Variants in IGSF10 observed in about 807,000 individuals in gnomAD.
IGSF10 encodes calvaria mechanical force protein 608.
IGSF10 carries 126 observed loss-of-function variants against 128.2 expected under a neutral mutation model. The ratio of observed to expected loss-of-function variants is 0.98; its 90% CI spans 0.85 to 1.14. The LOEUF (loss-of-function observed/expected upper bound fraction) is 1.14, where lower values mean the gene tolerates loss of function less well. Ranked by LOEUF, IGSF10 falls within the 50% of genes most tolerant of loss-of-function variation. The pLI is 0.00. For synonymous variants in IGSF10, 1,185 were observed against 1,146.2 expected, an observed-to-expected ratio of 1.03 and a Z score of -0.68; for missense variants, 3,295 against 3,149.8, an observed-to-expected ratio of 1.05 and a Z score of -1.10.
chr3:151,513,805 C>A, the IGSF10 span, among the ~76,000 whole-genome samples: 1 of 152,176 alleles, frequency 6.6e-6, no homozygotes, highest in Non-Finnish European at 1.5e-5. Context: ...ACAAAAATCA[C>A]AAGCATTCCT....
the IGSF10 span, among the ~76,000 whole-genome samples, chr3:151,469,062 T>G: frequency 5.9e-5 from 9 of 152,240 alleles, no homozygotes; most frequent in African/African-American, 1.9e-4. Flanking sequence ...GCAAAGGATA[T>G]GATTTCATTT....
At chr3:151,593,425 A>G in the IGSF10 span, among the ~76,000 whole-genome samples, 20 of 152,152 alleles carry the variant, frequency 1.3e-4, 1 homozygote, top group Admixed American at 1.1e-3. Context: ...AATTAACCTC[A>G]TGATGGCTTT....
In IGSF10 at chr3:151,447,641, G is replaced by A. The variant is rs1721276417; in HGVS notation, c.2340C>T (p.Pro780=). The A allele has an allele frequency of 1.2e-6, 2 of 1,614,142 alleles. No homozygotes were observed. The highest frequency in any genetic ancestry group is 8.5e-7 in the Non-Finnish European group (1 of 1,180,026). Residue 780 remains proline (P), a synonymous_variant, in exon 6 of 8, where the codon CCC becomes CCT. Transcript: ENST00000282466. ...TGTTTGGGAGTTGGGTGACCACTGG[G>A]GGTGGGCTCACTGTGGTATTTTCTC... is the stretch of plus-strand genomic sequence containing the variant. ...DKRENTTVSP[P]PVVTQLPNIP...
chr3:151,601,508 A>G, the IGSF10 span, among the ~76,000 whole-genome samples: 2 of 152,212 alleles, frequency 1.3e-5, no homozygotes, highest in Non-Finnish European at 2.9e-5. Flanking sequence ...CTTAACAAAT[A>G]AGAAACTCTT....
intron 4 of IGSF10, among the ~76,000 whole-genome samples, 189 bp downstream of exon 4, chr3:151,456,837 A>G (rs1360205235): frequency 6.6e-6 from 1 of 152,118 alleles, no homozygotes; most frequent in African/African-American, 2.4e-5. Context: ...CTTGCCTCAG[A>G]GTTCTTATTA....
rs371153588 is a variant in IGSF10, at chr3:151,458,528, C to T, written c.182G>A (p.Arg61His). 4.0e-5 allele frequency: 64 copies of T among 1,612,306 alleles called. No homozygotes were observed. The highest frequency in any genetic ancestry group is 2.0e-4 in the African/African-American group (15 of 74,854). ...AGGTCTCACACACCCTAAATTGATG[C>T]GTTCCACATTGGGCGGGATGCTGTC... ...IPDSIPPNVE[R>H]INLGYNSLVR... The change falls in exon 3 of 8, where the codon CGC becomes CAC. Residue 61 changes from arginine to histidine, a missense_variant. Coordinates refer to ENST00000282466, the MANE Select transcript of IGSF10 (RefSeq NM_178822.5).
the IGSF10 span, among the ~76,000 whole-genome samples, chr3:151,617,691 C>T: frequency 1.3e-5 from 2 of 151,874 alleles, no homozygotes; most frequent in Non-Finnish European, 2.9e-5. Context: ...TTTTGGGGGG[C>T]CAGGAGCAAA....
At chr3:151,442,945 C>T in intron 7 of IGSF10, 39 bp downstream of exon 7, 1 of 1,560,656 alleles carries the variant, frequency 6.4e-7, no homozygotes. Context: ...CAGCTAAATA[C>T]ATAAAGCAGA....
downstream of IGSF10, chr3:151,435,068 T>C (rs1349713794): frequency 1.3e-5 from 2 of 149,178 alleles, no homozygotes; most frequent in Middle Eastern, 3.5e-3. Flanking sequence ...GTTTCTTTTT[T>C]TTTTTTTTTT....
chr3:151,601,324 A>G, the IGSF10 span, among the ~76,000 whole-genome samples: 1 of 152,222 alleles, frequency 6.6e-6, no homozygotes, highest in African/African-American at 2.4e-5. Flanking sequence ...TAATAGCAAA[A>G]ACAGAAAGAA....
chr3:151,516,875 T>C, the IGSF10 span, among the ~76,000 whole-genome samples: 1 of 152,100 alleles, frequency 6.6e-6, no homozygotes, highest in Non-Finnish European at 1.5e-5. Flanking sequence ...AACAGTTGCT[T>C]TAATGCAGTA....
At chr3:151,561,368 C>T in the IGSF10 span, among the ~76,000 whole-genome samples, 1 of 152,150 alleles carries the variant, frequency 6.6e-6, no homozygotes, top group Admixed American at 6.6e-5. Flanking sequence ...CAGAAACATA[C>T]TATTTCCTCT....
chr3:151,519,807 A>G, the IGSF10 span, among the ~76,000 whole-genome samples: 2 of 151,822 alleles, frequency 1.3e-5, no homozygotes, highest in African/African-American at 4.8e-5. Flanking sequence ...AAAGCCTTAG[A>G]CATACTGGGC....
the IGSF10 span, among the ~76,000 whole-genome samples, chr3:151,549,751 C>A: frequency 6.6e-6 from 1 of 152,126 alleles, no homozygotes; most frequent in South Asian, 2.1e-4. Flanking sequence ...TATATGTACT[C>A]AATCTACCTT....
At chr3:151,510,050 C>A in the IGSF10 span, among the ~76,000 whole-genome samples, 1 of 151,942 alleles carries the variant, frequency 6.6e-6, no homozygotes, top group African/African-American at 2.4e-5. Context: ...CCTCTGGGGG[C>A]AGGGCACAGA....
chr3:151,500,475 A>C, the IGSF10 span, among the ~76,000 whole-genome samples: 3 of 152,186 alleles, frequency 2.0e-5, no homozygotes, highest in Non-Finnish European at 4.4e-5. Context: ...GCTCAGATAC[A>C]TCTGCTTACT....
the IGSF10 span, among the ~76,000 whole-genome samples, chr3:151,506,862 C>G: frequency 6.6e-6 from 1 of 152,290 alleles, no homozygotes; most frequent in Non-Finnish European, 1.5e-5. Context: ...AATGAACGTT[C>G]TTTGTGAGAG....
Position 151,438,591 on chromosome 3 carries a change from G to A in IGSF10, c.5970C>T (p.Gly1990=), listed in dbSNP as rs1425209927. The A allele has an allele frequency of 6.2e-7, 1 of 1,611,014 alleles. No homozygotes were observed. Among genetic ancestry groups the A allele is most frequent in the Non-Finnish European group, 8.5e-7 (1 of 1,178,156 alleles). The change falls in exon 8 of 8, where the codon GGC becomes GGT. Residue 1990 remains glycine, a synonymous_variant. Transcript: ENST00000282466. ...CATTAGGGTAGACGTGGATCCAGCTGCCCACTCTAAGGAGAAAAGAGATTC... is the reference window on the plus strand; with the variant it reads ...CATTAGGGTAGACGTGGATCCAGCTACCCACTCTAAGGAGAAAAGAGATTC... ...KAVVDQQHRV[G]SWIHVYPNGS...
At chr3:151,519,211 T>C in the IGSF10 span, among the ~76,000 whole-genome samples, 3 of 151,868 alleles carry the variant, frequency 2.0e-5, no homozygotes, top group Admixed American at 2.0e-4. Context: ...GTGGAGACTA[T>C]GGCAACTTAA....
Sources: gnomAD v4.1 joint callset for allele counts (sites outside exome capture counted in the v4.1 genomes callset) on GRCh38, gnomAD v4.1.1 for gene constraint, MANE v1.5 for transcripts, NCBI Gene and HGNC (gene_info 2026-07-23, HGNC 2026-07-21) for gene names.